Variants in GRIN2B observed in about 807,000 individuals in gnomAD.
GRIN2B encodes the protein glutamate ionotropic receptor NMDA type subunit 2B.
A neutral mutation model predicts 114.5 loss-of-function variants in GRIN2B; 5 were observed. The observed-to-expected ratio is 0.04, with a 90% CI of 0.02 to 0.09. The LOEUF (loss-of-function observed/expected upper bound fraction) is 0.09. Ranked by LOEUF, GRIN2B falls within the 10% of genes least tolerant of loss-of-function variation. GRIN2B has a pLI of 1.00. For synonymous variants in GRIN2B, 787 were observed against 745.1 expected, an observed-to-expected ratio of 1.06 and a Z score of -0.92; for missense variants, 1,108 against 1,943.5, an observed-to-expected ratio of 0.57 and a Z score of 8.08.
chr12:13,836,368 G>A (rs1196206347), intron 3 of GRIN2B, among the ~76,000 whole-genome samples: 1 of 152,108 alleles, frequency 6.6e-6, no homozygotes, highest in Admixed American at 6.6e-5. Context: ...GCCTAAGGGG[G>A]AAGAAAAAAC....
chr12:13,693,476 C>T (rs76721399), intron 4 of GRIN2B, among the ~76,000 whole-genome samples: 4,377 of 152,212 alleles, frequency 0.029, 191 homozygotes, highest in African/African-American at 0.1. Context: ...GAACCGCAAG[C>T]TCTCCAGTAT....
At chr12:13,867,742 C>A (rs1865849472) in intron 2 of GRIN2B, among the ~76,000 whole-genome samples, 1 of 151,974 alleles carries the variant, frequency 6.6e-6, no homozygotes, top group African/African-American at 2.4e-5. Flanking sequence ...ATTATAACAC[C>A]AGCATGCCAA....
At chr12:13,824,303 T>A (rs1455900819) in intron 3 of GRIN2B, among the ~76,000 whole-genome samples, 1 of 152,234 alleles carries the variant, frequency 6.6e-6, no homozygotes, top group Non-Finnish European at 1.5e-5. Context: ...GTTTCTTTGA[T>A]ATATAAAGAA....
chr12:13,875,360 C>G (rs1865977965), intron 2 of GRIN2B, among the ~76,000 whole-genome samples: 1 of 152,096 alleles, frequency 6.6e-6, no homozygotes. Context: ...AACCCTGTCT[C>G]TAATAAAAAT....
At chr12:13,824,133 T>A (rs185759318) in intron 3 of GRIN2B, among the ~76,000 whole-genome samples, 26 of 152,274 alleles carry the variant, frequency 1.7e-4, no homozygotes, top group Admixed American at 1.4e-3. Flanking sequence ...AGGAAAAGAA[T>A]ACTGATAAGG....
intron 3 of GRIN2B, among the ~76,000 whole-genome samples, chr12:13,852,049 C>T (rs1865574427): frequency 6.6e-6 from 1 of 152,158 alleles, no homozygotes; most frequent in Non-Finnish European, 1.5e-5. Flanking sequence ...TGCTTGCTCC[C>T]TACTACTCTG....
At chr12:13,817,724 C>A (rs1177406743) in intron 3 of GRIN2B, among the ~76,000 whole-genome samples, 1 of 152,144 alleles carries the variant, frequency 6.6e-6, no homozygotes, top group African/African-American at 2.4e-5. Context: ...GGAGAGCCCA[C>A]ATATATAGGC....
chr12:13,677,281 T>C (rs530814366), intron 4 of GRIN2B, among the ~76,000 whole-genome samples: 29 of 152,162 alleles, frequency 1.9e-4, no homozygotes, highest in Non-Finnish European at 3.4e-4. Flanking sequence ...TGAAGACTCT[T>C]TTTTTAACTC....
chr12:13,680,313 C>T (rs920879702), intron 4 of GRIN2B, among the ~76,000 whole-genome samples: 2 of 152,038 alleles, frequency 1.3e-5, no homozygotes, highest in Non-Finnish European at 2.9e-5. Flanking sequence ...GATGCCATAG[C>T]TATTCTATTT....
intron 4 of GRIN2B, among the ~76,000 whole-genome samples, chr12:13,738,148 CTG>C (rs33976982): frequency 0.99 from 151,332 of 152,306 alleles, 75,184 homozygotes; most frequent in Middle Eastern, 1. Flanking sequence ...GGCACTTACC[CTG>C]TGTGTCTTAT....
intron 3 of GRIN2B, among the ~76,000 whole-genome samples, chr12:13,777,915 A>G (rs894070143): frequency 6.6e-6 from 1 of 152,076 alleles, no homozygotes; most frequent in African/African-American, 2.4e-5. Context: ...TCTCTTTCCA[A>G]TTTCCTATGT....
chr12:13,942,364 T>C (rs1209694238), intron 2 of GRIN2B, among the ~76,000 whole-genome samples: 1 of 148,146 alleles, frequency 6.8e-6, no homozygotes, highest in Non-Finnish European at 1.5e-5. Context: ...TCCCACTACA[T>C]ACTATGTCTA....
rs527778499 is a variant in GRIN2B, at chr12:13,790,549, T to A, written c.412-36634A>T. Among the ~76,000 whole-genome samples the A allele has an allele frequency of 1.1e-4, 16 of 152,340 alleles. No individual in the cohort carries two copies. In the South Asian group the frequency reaches 3.3e-3, roughly 32 times the overall value. ...ATAGATATGTACAAGTTAAACACAG[T>A]GACATGAGGTCTGCCGAGGTCCCTC... On this transcript the variant is annotated intron_variant, in intron 3 of 13. Coordinates refer to ENST00000609686, the MANE Select transcript of GRIN2B (RefSeq NM_000834.5).
At chr12:13,978,716 T>G (rs1178547456) in intron 2 of GRIN2B, among the ~76,000 whole-genome samples, 3 of 152,166 alleles carry the variant, frequency 2.0e-5, no homozygotes, top group African/African-American at 7.2e-5. Flanking sequence ...TTAGACGCCT[T>G]CAGAGTTCAG....
intron 2 of GRIN2B, among the ~76,000 whole-genome samples, chr12:13,883,986 G>T (rs569321604): frequency 6.6e-6 from 1 of 152,016 alleles, no homozygotes; most frequent in East Asian, 1.9e-4. Flanking sequence ...GCTATGAGTC[G>T]AGGTTCATTT....
chr12:13,868,099 A>G (rs1354448371), intron 2 of GRIN2B, among the ~76,000 whole-genome samples: 1 of 152,140 alleles, frequency 6.6e-6, no homozygotes, highest in African/African-American at 2.4e-5. Flanking sequence ...TTCTTGGCAG[A>G]AAACATTTTG....
intron 2 of GRIN2B, among the ~76,000 whole-genome samples, chr12:13,935,689 G>A (rs1210854486): frequency 6.6e-6 from 1 of 152,100 alleles, no homozygotes; most frequent in Admixed American, 6.5e-5. Flanking sequence ...TAAAGTAAAT[G>A]GAAGAGTACC....
chr12:13,822,670 A>G (rs917443802), intron 3 of GRIN2B, among the ~76,000 whole-genome samples: 3 of 152,142 alleles, frequency 2.0e-5, no homozygotes, highest in African/African-American at 7.2e-5. Context: ...CTCCCTGACA[A>G]TATCAGGACA....
intron 12 of GRIN2B, among the ~76,000 whole-genome samples, chr12:13,568,720 T>A: frequency 6.6e-6 from 1 of 152,186 alleles, no homozygotes; most frequent in Non-Finnish European, 1.5e-5. Flanking sequence ...CCAACAAGGG[T>A]CTGGCTGCTC....
Sources: allele counts gnomAD v4.1 joint callset (sites outside exome capture counted in the v4.1 genomes callset), GRCh38; gene constraint gnomAD v4.1.1; transcripts MANE v1.5; gene names NCBI Gene and HGNC (gene_info 2026-07-23, HGNC 2026-07-21).